STAU1: variants seen among roughly 807,000 people sequenced by gnomAD.
The protein encoded by STAU1 is double-stranded RNA-binding protein Staufen homolog 1.
STAU1 carries 13 observed loss-of-function variants against 62.9 expected under a neutral mutation model. That is an observed-to-expected ratio of 0.21 (90% confidence interval 0.13 to 0.33). STAU1 has a LOEUF of 0.33. Ranked by LOEUF, STAU1 falls within the 10% of genes least tolerant of loss-of-function variation. The probability of loss-of-function intolerance (pLI) is 1.00; values close to 1 mark genes in which losing one functional copy is unlikely to be tolerated. For missense variants in STAU1, 571 were observed against 712.1 expected (o/e 0.80, Z 2.25); for synonymous variants, 269 against 265.1 (o/e 1.01, Z -0.14).
intron 1 of STAU1, among the ~76,000 whole-genome samples, chr20:49,177,475 G>A (rs952046674): frequency 2.6e-5 from 4 of 151,546 alleles, no homozygotes; most frequent in Admixed American, 6.6e-5. Context: ...TCAGGAGATC[G>A]AGACCATCCT....
intron 3 of STAU1, among the ~76,000 whole-genome samples, chr20:49,158,780 A>C (rs2093404034): frequency 6.6e-6 from 1 of 151,890 alleles, no homozygotes; most frequent in Non-Finnish European, 1.5e-5. Flanking sequence ...ACTGCACTCC[A>C]GTATGGGCAA....
At chr20:49,121,300 C>T (rs1398717298) in intron 8 of STAU1, among the ~76,000 whole-genome samples, 1 of 151,930 alleles carries the variant, frequency 6.6e-6, no homozygotes, top group Non-Finnish European at 1.5e-5. Flanking sequence ...CCCAGCTACT[C>T]GGGAGGCTGA....
intron 6 of STAU1, among the ~76,000 whole-genome samples, chr20:49,135,606 A>G (rs1048421084): frequency 2.6e-5 from 4 of 152,160 alleles, no homozygotes; most frequent in African/African-American, 9.7e-5. Context: ...CCACACACCA[A>G]CTGAAGCCAT....
At chr20:49,133,364 C>A (rs1041066829) in intron 6 of STAU1, among the ~76,000 whole-genome samples, 1 of 152,134 alleles carries the variant, frequency 6.6e-6, no homozygotes, top group South Asian at 2.1e-4. Context: ...TGAGGTGACC[C>A]GGGAAGCCAG....
chr20:49,130,675 G>A (rs1327464102), intron 6 of STAU1, among the ~76,000 whole-genome samples: 1 of 152,208 alleles, frequency 6.6e-6, no homozygotes, highest in East Asian at 1.9e-4. Context: ...TAGAATGCCA[G>A]CTTGGAAATG....
chr20:49,200,863 C>T, the STAU1 span, among the ~76,000 whole-genome samples: 2 of 150,326 alleles, frequency 1.3e-5, no homozygotes, highest in East Asian at 3.9e-4. Context: ...AGTGAGATGC[C>T]GTCTCTACCA....
At chr20:49,133,299 G>A (rs1330046069) in intron 6 of STAU1, among the ~76,000 whole-genome samples, 4 of 152,202 alleles carry the variant, frequency 2.6e-5, no homozygotes, top group Admixed American at 2.6e-4. Context: ...AGAGTGAGCA[G>A]GTGGTAAGCT....
intron 1 of STAU1, among the ~76,000 whole-genome samples, chr20:49,183,554 A>G (rs966935605): frequency 3.9e-5 from 6 of 152,162 alleles, no homozygotes; most frequent in Non-Finnish European, 8.8e-5. Context: ...TTACACTCTT[A>G]CTCAATCCAG....
intron 8 of STAU1, among the ~76,000 whole-genome samples, chr20:49,122,299 A>G (rs348259): frequency 0.12 from 18,522 of 152,188 alleles, 1,758 homozygotes; most frequent in African/African-American, 0.27. Flanking sequence ...TCCAGACTCC[A>G]TAAGAATTAG....
At chr20:49,210,055 A>AT in the STAU1 span, among the ~76,000 whole-genome samples, 281 of 152,022 alleles carry the variant, frequency 1.8e-3, 1 homozygote, top group African/African-American at 6.4e-3. Flanking sequence ...TCTCAAAAAA[A>AT]AATAATAATA....
chr20:49,131,476 TATG>T (rs1387832930), intron 6 of STAU1, among the ~76,000 whole-genome samples: 1 of 152,158 alleles, frequency 6.6e-6, no homozygotes, highest in African/African-American at 2.4e-5. Flanking sequence ...AGTTAAAGGG[TATG>T]ATATCTACCA....
rs2092273837 is a variant in STAU1 at position 49,114,807 on chromosome 20, A to G, written c.*71T>C. The G allele has an allele frequency of 2.0e-6, 3 of 1,530,928 alleles. No individual in the cohort carries two copies. The highest frequency in any genetic ancestry group is 2.7e-6 in the Non-Finnish European group (3 of 1,110,072). The allele number at this position is 1,530,928 out of a possible 1,614,324, so 94.8% of individuals were successfully genotyped here. The stretch of plus-strand genomic sequence containing the variant: ...CCACTGGAGGTATCAGAAATTCCAA[A>G]TTTTCAAAGCAGTTTCAGTATTTTC... On this transcript the variant is annotated 3_prime_UTR_variant, in exon 14 of 14. Coordinates refer to ENST00000371856, the MANE Select transcript of STAU1 (RefSeq NM_017453.4).
chr20:49,162,064 C>T (rs528131540), intron 3 of STAU1, among the ~76,000 whole-genome samples: 4 of 152,308 alleles, frequency 2.6e-5, no homozygotes, highest in Non-Finnish European at 5.9e-5. Flanking sequence ...CCCATTATTT[C>T]GCTAAACTCA....
chr20:49,140,794 AT>A (rs993177879), intron 5 of STAU1, among the ~76,000 whole-genome samples: 1 of 152,192 alleles, frequency 6.6e-6, no homozygotes, highest in Admixed American at 6.6e-5. Context: ...TTTTAGATGT[AT>A]ATTTTGCCTG....
chr20:49,128,134 A>G (rs1450509628), intron 6 of STAU1, among the ~76,000 whole-genome samples: 1 of 150,966 alleles, frequency 6.6e-6, no homozygotes, highest in African/African-American at 2.4e-5. Context: ...GGGCAACAAG[A>G]GCGAAACTCT....
At chr20:49,172,415 C>G (rs1470112653) in intron 2 of STAU1, among the ~76,000 whole-genome samples, 2 of 152,162 alleles carry the variant, frequency 1.3e-5, no homozygotes, top group Non-Finnish European at 2.9e-5. Flanking sequence ...TTAATCTAAA[C>G]TTATACAAAC....
the STAU1 span, among the ~76,000 whole-genome samples, chr20:49,214,537 T>C: frequency 7.6e-6 from 1 of 131,336 alleles, no homozygotes; most frequent in Non-Finnish European, 1.7e-5. Context: ...AAAAAAACAA[T>C]AACAAGAAGA....
At chr20:49,177,150 T>C (rs927823917) in intron 1 of STAU1, among the ~76,000 whole-genome samples, 2 of 151,720 alleles carry the variant, frequency 1.3e-5, no homozygotes, top group African/African-American at 4.8e-5. Context: ...GACCTCGTGA[T>C]CCGCCCACCT....
intron 5 of STAU1, among the ~76,000 whole-genome samples, chr20:49,148,701 T>C (rs763323864): frequency 2.0e-5 from 3 of 152,198 alleles, no homozygotes; most frequent in African/African-American, 7.2e-5. Context: ...AGAGATTTCA[T>C]AGGACCCGGT....
Sources: allele counts gnomAD v4.1 joint callset (sites outside exome capture counted in the v4.1 genomes callset), GRCh38; gene constraint gnomAD v4.1.1; transcripts MANE v1.5; gene names NCBI Gene and HGNC (gene_info 2026-07-23, HGNC 2026-07-21).